Variants in STXBP5L observed in about 807,000 individuals in gnomAD.
STXBP5L encodes the protein syntaxin-binding protein 5-like.
STXBP5L carries 65 observed loss-of-function variants against 144.5 expected under a neutral mutation model. That is an observed-to-expected ratio of 0.45 (90% CI 0.37 to 0.55). STXBP5L has a LOEUF of 0.55. STXBP5L is among the 20% of genes least tolerant of loss of function. STXBP5L has a pLI of 0.00. For synonymous variants in STXBP5L, 505 were observed against 469.6 expected, an observed-to-expected ratio of 1.08 and a Z score of -0.97; for missense variants, 1,298 against 1,405.5, an observed-to-expected ratio of 0.92 and a Z score of 1.22.
chr3:120,999,427 A>G (rs1010280850), intron 3 of STXBP5L, among the ~76,000 whole-genome samples: 1 of 152,164 alleles, frequency 6.6e-6, no homozygotes, highest in Non-Finnish European at 1.5e-5. Flanking sequence ...TGCATGATAG[A>G]TCTTTCTCCA....
At chr3:120,947,990 G>A (rs1710966400) in intron 2 of STXBP5L, among the ~76,000 whole-genome samples, 1 of 151,628 alleles carries the variant, frequency 6.6e-6, no homozygotes, top group African/African-American at 2.4e-5. Flanking sequence ...TGAATCATAT[G>A]GTAACTCTGT....
chr3:121,218,387 T>G, intron 10 of STXBP5L, among the ~76,000 whole-genome samples: 1 of 146,634 alleles, frequency 6.8e-6, no homozygotes. Context: ...ATATAGTATA[T>G]AGTATTATTT....
At chr3:121,048,482 A>G (rs1947681993) in intron 5 of STXBP5L, among the ~76,000 whole-genome samples, 1 of 152,092 alleles carries the variant, frequency 6.6e-6, no homozygotes, top group Non-Finnish European at 1.5e-5. Flanking sequence ...CAGGGATACT[A>G]ATGAATTGGA....
At chr3:121,159,834 G>T (rs1008371275) in intron 9 of STXBP5L, among the ~76,000 whole-genome samples, 1 of 151,526 alleles carries the variant, frequency 6.6e-6, no homozygotes, top group Non-Finnish European at 1.5e-5. Flanking sequence ...GGGTTTCACC[G>T]TGTTAGCCAG....
At chr3:121,288,953 A>G (rs1252910866) in intron 19 of STXBP5L, among the ~76,000 whole-genome samples, 2 of 152,156 alleles carry the variant, frequency 1.3e-5, no homozygotes, top group African/African-American at 4.8e-5. Flanking sequence ...TGAACAACAG[A>G]CACTGGGGCC....
chr3:121,106,289 C>A (rs917976784), intron 5 of STXBP5L, among the ~76,000 whole-genome samples: 1 of 152,092 alleles, frequency 6.6e-6, no homozygotes, highest in African/African-American at 2.4e-5. Context: ...TGAAGGACAT[C>A]CAGGTTTGTT....
chr3:121,097,171 C>A (rs2043172079), intron 5 of STXBP5L, among the ~76,000 whole-genome samples: 1 of 152,170 alleles, frequency 6.6e-6, no homozygotes, highest in African/African-American at 2.4e-5. Flanking sequence ...GTGGTGGATG[C>A]CCCTCCCCAC....
chr3:121,095,866 T>G (rs1402010799), intron 5 of STXBP5L, among the ~76,000 whole-genome samples: 1 of 152,118 alleles, frequency 6.6e-6, no homozygotes. Flanking sequence ...GGCACTGTGA[T>G]TTTTAGAATA....
At chr3:121,296,132 A>C (rs1013658249) in intron 19 of STXBP5L, among the ~76,000 whole-genome samples, 1 of 152,216 alleles carries the variant, frequency 6.6e-6, no homozygotes, top group Non-Finnish European at 1.5e-5. Flanking sequence ...CTTTCTGATG[A>C]ATCACTGTAA....
intron 23 of STXBP5L, among the ~76,000 whole-genome samples, chr3:121,412,739 A>AC (rs1361893182): frequency 6.7e-5 from 10 of 148,390 alleles, no homozygotes; most frequent in African/African-American, 2.5e-5. Context: ...AAAAAAAAAA[A>AC]AAAAAAAAAA....
chr3:121,225,786 A>G (rs1015951447), intron 11 of STXBP5L, among the ~76,000 whole-genome samples: 1 of 152,220 alleles, frequency 6.6e-6, no homozygotes, highest in Non-Finnish European at 1.5e-5. Flanking sequence ...TAGAGGTGGT[A>G]AGCACAATGG....
chr3:121,217,854 T>C (rs1029648824), intron 10 of STXBP5L, among the ~76,000 whole-genome samples: 29 of 151,850 alleles, frequency 1.9e-4, no homozygotes, highest in Middle Eastern at 3.4e-3. Context: ...AATGTATACA[T>C]GCCTGGACTT....
chr3:121,159,755 G>C (rs926478488), intron 9 of STXBP5L, among the ~76,000 whole-genome samples: 1 of 148,460 alleles, frequency 6.7e-6, no homozygotes, highest in Non-Finnish European at 1.5e-5. Flanking sequence ...TCAGCCTCCC[G>C]AGTAGCTGGG....
At chr3:121,171,841 G>GA (rs1388180197) in intron 9 of STXBP5L, among the ~76,000 whole-genome samples, 1 of 152,074 alleles carries the variant, frequency 6.6e-6, no homozygotes, top group Non-Finnish European at 1.5e-5. Context: ...CACAGAATTA[G>GA]AAAAAACTAC....
At chr3:121,134,832 T>C (rs915755863) in intron 7 of STXBP5L, among the ~76,000 whole-genome samples, 6 of 152,320 alleles carry the variant, frequency 3.9e-5, no homozygotes, top group East Asian at 1.9e-4. Flanking sequence ...TGGTTCCAAG[T>C]CTTTGCTATT....
At chr3:120,997,433 C>A (rs142855482) in intron 3 of STXBP5L, among the ~76,000 whole-genome samples, 5 of 152,302 alleles carry the variant, frequency 3.3e-5, no homozygotes, top group African/African-American at 1.2e-4. Flanking sequence ...TCCCTTTTCT[C>A]CATAACTGTG....
intron 7 of STXBP5L, among the ~76,000 whole-genome samples, chr3:121,122,672 T>C (rs1340639878): frequency 2.0e-5 from 3 of 151,456 alleles, no homozygotes; most frequent in African/African-American, 4.8e-5. Context: ...TTGAAAAGAA[T>C]AGTAAGACCT....
chr3:121,321,651 G>A (rs896951891), intron 20 of STXBP5L, among the ~76,000 whole-genome samples: 8 of 152,090 alleles, frequency 5.3e-5, no homozygotes, highest in Non-Finnish European at 1.0e-4. Context: ...GAGAATCACT[G>A]CCCTATGAAA....
chr3:121,368,503 T>G (rs578148469), intron 20 of STXBP5L, among the ~76,000 whole-genome samples: 10 of 152,208 alleles, frequency 6.6e-5, no homozygotes, highest in African/African-American at 1.9e-4. Flanking sequence ...TGCTATTTTT[T>G]TCTTTCAATG....
Sources: allele counts gnomAD v4.1 joint callset (sites outside exome capture counted in the v4.1 genomes callset), GRCh38; gene constraint gnomAD v4.1.1; transcripts MANE v1.5; gene names NCBI Gene and HGNC (gene_info 2026-07-23, HGNC 2026-07-21).